The following WDR70 variants were observed in gnomAD, a reference collection of about 807,000 sequenced individuals.
WDR70 encodes WD repeat domain 70.
WDR70 carries 53 observed loss-of-function variants against 88.6 expected under a neutral mutation model. The ratio of observed to expected loss-of-function variants is 0.60; its 90% CI spans 0.48 to 0.75. WDR70 has a LOEUF of 0.75. Among genes scored for constraint, WDR70 ranks in the 30% least tolerant of loss-of-function variants. WDR70 has a pLI of 0.00. For synonymous variants in WDR70, 280 were observed against 270.0 expected, an observed-to-expected ratio of 1.04 and a Z score of -0.36; for missense variants, 610 against 823.2, an observed-to-expected ratio of 0.74 and a Z score of 3.17.
chr5:37,711,850 C>G (rs1361995588), intron 13 of WDR70, among the ~76,000 whole-genome samples: 2 of 152,024 alleles, frequency 1.3e-5, no homozygotes, highest in Admixed American at 1.3e-4. Flanking sequence ...TTTGCTTTAC[C>G]TTTTATTACA....
intron 10 of WDR70, among the ~76,000 whole-genome samples, chr5:37,692,634 A>G (rs113078979): frequency 0.014 from 2,132 of 152,318 alleles, 46 homozygotes; most frequent in African/African-American, 0.047. Flanking sequence ...ATCTCAATAG[A>G]TGCAGAAAAG....
At chr5:37,696,475 G>T (rs1195886391) in intron 10 of WDR70, among the ~76,000 whole-genome samples, 1 of 152,268 alleles carries the variant, frequency 6.6e-6, no homozygotes, top group East Asian at 1.9e-4. Context: ...TCTTCATAAG[G>T]GTTGCTACAA....
At chr5:37,446,954 C>A (rs1278997457) in intron 7 of WDR70, among the ~76,000 whole-genome samples, 1 of 152,176 alleles carries the variant, frequency 6.6e-6, no homozygotes, top group African/African-American at 2.4e-5. Context: ...TCTAATTAAA[C>A]TAAAGAGCTT....
At chr5:37,714,169 C>G (rs1747591870) in intron 13 of WDR70, among the ~76,000 whole-genome samples, 1 of 152,130 alleles carries the variant, frequency 6.6e-6, no homozygotes, top group Non-Finnish European at 1.5e-5. Flanking sequence ...TTCAGCTTTT[C>G]CTGTGTTTTC....
chr5:37,581,354 C>A (rs189176548), intron 9 of WDR70, among the ~76,000 whole-genome samples: 1 of 152,188 alleles, frequency 6.6e-6, no homozygotes, highest in South Asian at 2.1e-4. Flanking sequence ...TCATCCAATT[C>A]TTTAAAATAA....
At chr5:37,687,975 G>C (rs1383320013) in intron 10 of WDR70, 2 of 689,768 alleles carry the variant, frequency 2.9e-6, no homozygotes, top group Non-Finnish European at 5.3e-6. Flanking sequence ...AAGTTTGTGT[G>C]ATGTGAATCC....
intron 10 of WDR70, chr5:37,687,945 C>T: frequency 2.9e-6 from 2 of 694,398 alleles, no homozygotes; most frequent in Non-Finnish European, 5.3e-6. Context: ...GAACTGTCTG[C>T]ATGCTCTGGG....
At chr5:37,491,878 T>C (rs1313943052) in intron 8 of WDR70, among the ~76,000 whole-genome samples, 1 of 152,226 alleles carries the variant, frequency 6.6e-6, no homozygotes, top group East Asian at 1.9e-4. Flanking sequence ...ATTTTATTTC[T>C]TTCCATTTTC....
At chr5:37,584,584 A>G (rs1021045513) in intron 9 of WDR70, among the ~76,000 whole-genome samples, 9 of 152,174 alleles carry the variant, frequency 5.9e-5, no homozygotes, top group African/African-American at 1.9e-4. Context: ...TGTTTTGCAG[A>G]TGTAGAGTCT....
chr5:37,413,173 G>A (rs1159548767), intron 5 of WDR70, among the ~76,000 whole-genome samples: 2 of 152,072 alleles, frequency 1.3e-5, no homozygotes, highest in African/African-American at 2.4e-5. Flanking sequence ...TTAGGGTTTC[G>A]AAACTGCTAA....
chr5:37,677,606 G>T lies in WDR70; in HGVS notation c.1093-20049G>T, dbSNP rs538670135. Among the ~76,000 whole-genome samples the T allele has an allele frequency of 1.0e-3, 156 of 152,308 alleles. 1 individual carries two copies. Among genetic ancestry groups the T allele is most frequent in the African/African-American group, 3.4e-3 (140 of 41,566 alleles). ...TGCACTGTGGTCTGAGAGACAGTTT[G>T]TTATAATTTCTATTCTTTTACATTT... On this transcript the variant is annotated intron_variant, in intron 10 of 17. Transcript: ENST00000265107.
At chr5:37,481,664 A>G (rs914134695) in intron 8 of WDR70, among the ~76,000 whole-genome samples, 2 of 152,100 alleles carry the variant, frequency 1.3e-5, no homozygotes, top group African/African-American at 4.8e-5. Flanking sequence ...GAGGGTCTCT[A>G]ACATGCCCTG....
chr5:37,627,597 G>A (rs2112517977), intron 10 of WDR70, among the ~76,000 whole-genome samples: 1 of 152,066 alleles, frequency 6.6e-6, no homozygotes, highest in African/African-American at 2.4e-5. Context: ...TGCTTTTGCT[G>A]TGTGCCATAA....
At chr5:37,484,156 A>C (rs1052124035) in intron 8 of WDR70, among the ~76,000 whole-genome samples, 25 of 152,098 alleles carry the variant, frequency 1.6e-4, no homozygotes, top group African/African-American at 5.8e-4. Context: ...ACGGGGTGGC[A>C]GCCGGGCAGA....
At chr5:37,506,553 G>A in intron 8 of WDR70, 2 of 772,618 alleles carry the variant, frequency 2.6e-6, no homozygotes, top group Non-Finnish European at 4.8e-6. Context: ...GCTCCGTGTA[G>A]TTGTAAAGTA....
At chr5:37,493,276 A>G (rs536651833) in intron 8 of WDR70, among the ~76,000 whole-genome samples, 1 of 152,308 alleles carries the variant, frequency 6.6e-6, no homozygotes, top group South Asian at 2.1e-4. Flanking sequence ...TTACAGACTG[A>G]AATCAGGGTG....
At chr5:37,736,484 G>A (rs1748307294) in intron 17 of WDR70, among the ~76,000 whole-genome samples, 1 of 152,148 alleles carries the variant, frequency 6.6e-6, no homozygotes, top group African/African-American at 2.4e-5. Context: ...TAAATGCACA[G>A]AGAGAAAATA....
At chr5:37,546,292 A>G (rs1179679906) in intron 9 of WDR70, among the ~76,000 whole-genome samples, 1 of 152,200 alleles carries the variant, frequency 6.6e-6, no homozygotes, top group African/African-American at 2.4e-5. Flanking sequence ...TGTAAGTTTT[A>G]TGTAATTTTT....
intron 10 of WDR70, among the ~76,000 whole-genome samples, chr5:37,637,444 G>A (rs771036244): frequency 1.1e-4 from 17 of 151,932 alleles, no homozygotes; most frequent in Admixed American, 2.0e-4. Context: ...TGTCAACATA[G>A]CAGGGTTAAG....
Sources: gnomAD v4.1 joint callset for allele counts (sites outside exome capture counted in the v4.1 genomes callset) on GRCh38, gnomAD v4.1.1 for gene constraint, MANE v1.5 for transcripts, NCBI Gene and HGNC (gene_info 2026-07-23, HGNC 2026-07-21) for gene names.